Variants in CDH13 observed in about 807,000 individuals in gnomAD.
CDH13 encodes cadherin 13.
Under a neutral mutation model 63.8 loss-of-function variants are expected in CDH13, and 24 were observed. That is an observed-to-expected ratio of 0.38 (90% CI 0.27 to 0.53). The LOEUF (loss-of-function observed/expected upper bound fraction) is 0.53, where lower values mean the gene tolerates loss of function less well. Among genes scored for constraint, CDH13 ranks in the 20% least tolerant of loss-of-function variants. CDH13 has a pLI of 0.85. For missense variants in CDH13, 1,049 were observed against 903.1 expected, an observed-to-expected ratio of 1.16 and a Z score of -2.07; for synonymous variants, 503 against 355.3, an observed-to-expected ratio of 1.42 and a Z score of -4.67.
intron 2 of CDH13, among the ~76,000 whole-genome samples, chr16:82,989,904 T>G (rs532491237): frequency 6.6e-6 from 1 of 152,234 alleles, no homozygotes; most frequent in Non-Finnish European, 1.5e-5. Context: ...GCCCCACGTC[T>G]CCGTTCAACA....
chr16:82,814,531 C>G (rs1354985061), intron 1 of CDH13, among the ~76,000 whole-genome samples: 1 of 152,172 alleles, frequency 6.6e-6, no homozygotes, highest in Non-Finnish European at 1.5e-5. Context: ...TTCCAGGTTG[C>G]TGAACCCATG....
intron 1 of CDH13, among the ~76,000 whole-genome samples, chr16:82,747,266 C>A: frequency 6.6e-6 from 1 of 152,094 alleles, no homozygotes; most frequent in Non-Finnish European, 1.5e-5. Flanking sequence ...AATCTGTAGC[C>A]AAAACCTATG....
At position 83,779,909 on chromosome 16, in the gene CDH13, A is replaced by G. The variant is rs16961737; in HGVS notation, c.1682-59A>G. On this transcript the variant is annotated intron_variant, in intron 11 of 13. Coordinates refer to ENST00000567109, the MANE Select transcript of CDH13 (RefSeq NM_001257.5). The stretch of plus-strand genomic sequence containing the variant: ...CTAAGTTTACAATGCAAAAAGTGCT[A>G]TGGTAAATTGCTCTCGCATATACCA... 239,413 of 1,107,094 alleles carry G rather than the reference A, an allele frequency of 0.22. 32,527 individuals are homozygous for G. Among genetic ancestry groups the G allele is most frequent in the East Asian group, 0.65 (26,701 of 41,158 alleles). 68.6% of individuals were successfully genotyped at this position (1,107,094 alleles called of 1,614,324 possible).
intron 4 of CDH13, among the ~76,000 whole-genome samples, chr16:83,181,985 G>C (rs1046632157): frequency 1.3e-5 from 2 of 152,152 alleles, no homozygotes; most frequent in Admixed American, 6.6e-5. Context: ...ACAGAAGCTG[G>C]ATTCCCCTCC....
chr16:83,079,200 AG>A (rs1283487561), intron 3 of CDH13, among the ~76,000 whole-genome samples: 1 of 152,250 alleles, frequency 6.6e-6, no homozygotes, highest in East Asian at 1.9e-4. Flanking sequence ...TTGGTCAAAC[AG>A]GGGCTACTCA....
Position 82,638,139 on chromosome 16 carries a change from TC to T in CDH13, c.45+11005del, listed in dbSNP as rs1908915466. On this transcript the variant is annotated intron_variant, in intron 1 of 13. Coordinates refer to ENST00000567109, the MANE Select transcript of CDH13 (RefSeq NM_001257.5). ...CTTTCTGCTGTCTTTCTTTCTTTCT[TC>T]CCTTAAATGTTACCTACCAACTATG... Among the ~76,000 whole-genome samples, 7 of 152,308 alleles carry T rather than the reference TC, an allele frequency of 4.6e-5. No individual in the cohort carries two copies. The South Asian group carries it at 1.4e-3, about 32-fold the overall frequency.
intron 6 of CDH13, among the ~76,000 whole-genome samples, chr16:83,378,232 G>A (rs1043722156): frequency 1.3e-4 from 20 of 152,150 alleles, no homozygotes; most frequent in African/African-American, 4.6e-4. Flanking sequence ...CCACATAGAT[G>A]ACAAAACAAC....
At chr16:83,026,724 A>G (rs8062574) in intron 2 of CDH13, among the ~76,000 whole-genome samples, 7 of 152,252 alleles carry the variant, frequency 4.6e-5, no homozygotes, top group African/African-American at 1.7e-4. Flanking sequence ...AGTCCTTTGC[A>G]TAGAGCGTAG....
At chr16:83,070,342 A>G (rs761779737) in intron 3 of CDH13, among the ~76,000 whole-genome samples, 55 of 152,354 alleles carry the variant, frequency 3.6e-4, no homozygotes, top group African/African-American at 1.0e-3. Flanking sequence ...TTCTGGCCAT[A>G]AGTACCAAGG....
chr16:83,595,050 C>CATGACTGCAGAA (rs1343784070), intron 7 of CDH13, among the ~76,000 whole-genome samples: 1 of 152,214 alleles, frequency 6.6e-6, no homozygotes, highest in African/African-American at 2.4e-5. Context: ...AATAGAAATG[C>CATGACTGCAGAA]ATGACTGCAG....
chr16:83,328,133 A>AAAAAAG (rs1567594982), intron 5 of CDH13, among the ~76,000 whole-genome samples: 5 of 143,618 alleles, frequency 3.5e-5, no homozygotes, highest in East Asian at 2.1e-4. Flanking sequence ...CAAAAAAAAA[A>AAAAAAG]AAAAAGAAAA....
At chr16:83,602,674 C>A in intron 8 of CDH13, 80 bp downstream of exon 8, 1 of 1,387,146 alleles carries the variant, frequency 7.2e-7, no homozygotes, top group Middle Eastern at 1.8e-4. Context: ...CGTACCACAG[C>A]ACCTGCTGGC....
chr16:83,512,603 G>T (rs1480287033), intron 7 of CDH13, among the ~76,000 whole-genome samples: 2 of 150,976 alleles, frequency 1.3e-5, no homozygotes, highest in East Asian at 3.9e-4. Context: ...AGGAGGTGGA[G>T]GTTGCAGTGA....
intron 1 of CDH13, among the ~76,000 whole-genome samples, chr16:82,694,951 G>T (rs1046571808): frequency 3.3e-5 from 5 of 152,152 alleles, no homozygotes; most frequent in African/African-American, 4.8e-5. Context: ...CTGATTATAT[G>T]ACCATGGAGC....
At chr16:82,775,755 C>T (rs1161598583) in intron 1 of CDH13, among the ~76,000 whole-genome samples, 1 of 152,152 alleles carries the variant, frequency 6.6e-6, no homozygotes, top group African/African-American at 2.4e-5. Context: ...GCTCTGAGCA[C>T]AGGGCCAGGC....
At chr16:82,886,970 A>T (rs1029956087) in intron 2 of CDH13, among the ~76,000 whole-genome samples, 2 of 152,066 alleles carry the variant, frequency 1.3e-5, no homozygotes, top group Admixed American at 1.3e-4. Flanking sequence ...TCTTTTCTTG[A>T]TGTGTGCACC....
intron 6 of CDH13, among the ~76,000 whole-genome samples, chr16:83,388,975 G>C (rs1335078491): frequency 6.6e-6 from 1 of 152,138 alleles, no homozygotes; most frequent in Non-Finnish European, 1.5e-5. Flanking sequence ...GGAATGACCA[G>C]GGCGCTTGTG....
chr16:83,528,110 CA>C (rs1265558676), intron 7 of CDH13, among the ~76,000 whole-genome samples: 2 of 152,320 alleles, frequency 1.3e-5, no homozygotes, highest in South Asian at 4.1e-4. Context: ...CTGTATATCC[CA>C]AACTCACACA....
At chr16:83,028,531 C>G (rs1229256641) in intron 2 of CDH13, among the ~76,000 whole-genome samples, 2 of 152,184 alleles carry the variant, frequency 1.3e-5, no homozygotes. Context: ...ACAGTAGTCC[C>G]TGCTTGTCCT....
Sources: allele counts gnomAD v4.1 joint callset (sites outside exome capture counted in the v4.1 genomes callset), GRCh38; gene constraint gnomAD v4.1.1; transcripts MANE v1.5; gene names NCBI Gene and HGNC (gene_info 2026-07-23, HGNC 2026-07-21).